The following TMEM63C variants were observed in gnomAD, a reference collection of about 807,000 sequenced individuals.
The protein encoded by TMEM63C is osmosensitive cation channel TMEM63C.
A neutral mutation model predicts 99.2 loss-of-function variants in TMEM63C; 32 were observed. The observed-to-expected ratio is 0.32, with a 90% CI of 0.24 to 0.43. The LOEUF is 0.43. Among genes scored for constraint, TMEM63C ranks in the 20% least tolerant of loss-of-function variants. The pLI is 1.00. For synonymous variants in TMEM63C, 376 were observed against 397.9 expected (o/e 0.94, Z 0.66); for missense variants, 826 against 1,053.0 (o/e 0.78, Z 2.98).
intron 14 of TMEM63C, 144 bp from the exon 15 acceptor site, chr14:77,242,759 A>C: frequency 1.0e-6 from 1 of 979,864 alleles, no homozygotes; most frequent in South Asian, 1.5e-5. Context: ...GGGACGGTCC[A>C]GGGTCCTGTT....
rs545114107 is a variant in TMEM63C, at chr14:77,250,330, C to T, written c.2038+872C>T. 6.6e-5 allele frequency among the ~76,000 whole-genome samples: 10 copies of T among 152,284 alleles called. No homozygotes were observed. The South Asian group carries it at 2.1e-3, about 32-fold the overall frequency. On this transcript the variant is annotated intron_variant, in intron 21 of 23. Transcript: ENST00000298351. ...CTCTCAGCTTTCTCCCCGTTGGAGG[C>T]ACCTTAACCCCCAGCAACCCCCAAC...
At chr14:77,210,675 G>A (rs1464705423) in intron 1 of TMEM63C, among the ~76,000 whole-genome samples, 1 of 152,182 alleles carries the variant, frequency 6.6e-6, no homozygotes, top group Non-Finnish European at 1.5e-5. Flanking sequence ...GGCAGGGCAG[G>A]AGACCTGGAG....
At chr14:77,243,114 G>A in intron 15 of TMEM63C, 58 bp downstream of exon 15, 2 of 1,591,066 alleles carry the variant, frequency 1.3e-6, no homozygotes, top group Non-Finnish European at 1.7e-6. Context: ...GAATAATTCA[G>A]GCGAGGATGG....
At position 77,253,388 on chromosome 14, in the gene TMEM63C, G is replaced by A; in HGVS notation, c.2220+12G>A. The A allele has an allele frequency of 2.5e-6, 4 of 1,605,712 alleles. No homozygotes were observed. The highest frequency in any genetic ancestry group is 3.4e-6 in the Non-Finnish European group (4 of 1,176,392). On this transcript the variant is annotated intron_variant, in intron 23 of 23. Transcript: ENST00000298351. ...CGCCCACCTCCCTCGTGAGTCCTGA[G>A]TCCCAGGGACAGGTTGGGAGGGTGG...
chr14:77,239,538 G>C (rs747469738), intron 11 of TMEM63C, 46 bp downstream of exon 11: 3 of 1,612,228 alleles, frequency 1.9e-6, no homozygotes, highest in Admixed American at 3.3e-5. Flanking sequence ...GGGGGTAAAA[G>C]GGGAGGATGG....
intron 1 of TMEM63C, among the ~76,000 whole-genome samples, chr14:77,207,247 A>G (rs556076141): frequency 2.6e-5 from 4 of 152,342 alleles, no homozygotes; most frequent in African/African-American, 9.6e-5. Context: ...GGAAGCCAAC[A>G]CACTCAGCTT....
At chr14:77,225,347 G>C in intron 5 of TMEM63C, 77 bp from the exon 6 acceptor site, 1 of 1,466,772 alleles carries the variant, frequency 6.8e-7, no homozygotes, top group Non-Finnish European at 9.3e-7. Context: ...CAGATGACCT[G>C]GCCGCCTGGG....
chr14:77,186,715 C>T (rs552503831), intron 1 of TMEM63C, among the ~76,000 whole-genome samples: 15 of 151,636 alleles, frequency 9.9e-5, no homozygotes, highest in Admixed American at 2.6e-4. Context: ...AATAAAAAAT[C>T]AAAAAGGCTT....
In TMEM63C at chr14:77,245,883, G is replaced by T; in HGVS notation, c.1449-57G>T. 4.7e-6 allele frequency: 6 copies of T among 1,265,818 alleles called. No individual in the cohort carries two copies. The South Asian group carries it at 5.9e-5, about 13-fold the overall frequency. 78.4% of individuals were successfully genotyped at this position (1,265,818 alleles called of 1,614,324 possible). A position where few individuals can be genotyped will look rare whatever the true frequency, so the allele number is the denominator to read the frequency against. On this transcript the variant is annotated intron_variant, in intron 16 of 23. Transcript: ENST00000298351. The stretch of plus-strand genomic sequence containing the variant: ...CTCTTCCTCTCTATTACATAGTTAG[G>T]CCTTTGGTTCTTATTAGGCCACGTC...
intron 1 of TMEM63C, among the ~76,000 whole-genome samples, chr14:77,192,330 A>C (rs1888125609): frequency 6.6e-6 from 1 of 152,226 alleles, no homozygotes; most frequent in Admixed American, 6.5e-5. Context: ...CCTGAGGCAC[A>C]GAAAGGGTAG....
chr14:77,202,026 A>G (rs1212122203), intron 1 of TMEM63C, among the ~76,000 whole-genome samples: 1 of 152,218 alleles, frequency 6.6e-6, no homozygotes. Flanking sequence ...GCCATTGCCC[A>G]GCATCCCTTC....
intron 3 of TMEM63C, 45 bp downstream of exon 3, chr14:77,219,008 A>G (rs1184316229): frequency 2.0e-6 from 3 of 1,476,362 alleles, no homozygotes; most frequent in Non-Finnish European, 2.7e-6. Flanking sequence ...AGCCTCAGAC[A>G]GGGTCGAACT....
At chr14:77,252,559 A>T (rs1225008534) in intron 22 of TMEM63C, among the ~76,000 whole-genome samples, 1 of 152,202 alleles carries the variant, frequency 6.6e-6, no homozygotes, top group Admixed American at 6.5e-5. Flanking sequence ...TTCATTTTTC[A>T]TGGTTACGTA....
intron 2 of TMEM63C, among the ~76,000 whole-genome samples, chr14:77,216,025 G>A (rs906164936): frequency 6.6e-6 from 1 of 152,226 alleles, no homozygotes; most frequent in Middle Eastern, 3.4e-3. Context: ...ATTTGGCTGG[G>A]CGCAGTGGCT....
chr14:77,240,931 C>CTTTT lies in TMEM63C; in HGVS notation c.1064+335_1064+338dup, dbSNP rs575279817. On this transcript the variant is annotated intron_variant, in intron 13 of 23. Coordinates refer to ENST00000298351, the MANE Select transcript of TMEM63C (RefSeq NM_020431.4). The stretch of plus-strand genomic sequence containing the variant: ...AGAATGACATCCCTTTTCCCTTTTT[C>CTTTT]TTTTTTTTTTTTTTTCTTTTTTTTT... Among the ~76,000 whole-genome samples the CTTTT allele has an allele frequency of 7.0e-5, 9 of 128,498 alleles. 1 individual carries two copies. The highest frequency in any genetic ancestry group is 9.6e-5 in the Non-Finnish European group (6 of 62,292). 84.3% of individuals were successfully genotyped at this position (128,498 alleles called of 152,430 possible). A position where few individuals can be genotyped will look rare whatever the true frequency, so the allele number is the denominator to read the frequency against.
chr14:77,250,685 G>A (rs1044784650), intron 21 of TMEM63C, among the ~76,000 whole-genome samples: 3 of 152,004 alleles, frequency 2.0e-5, no homozygotes, highest in Non-Finnish European at 4.4e-5. Context: ...GGCAATCCGA[G>A]GCAGTGTTTT....
chr14:77,195,019 G>A (rs1289697188), intron 1 of TMEM63C, among the ~76,000 whole-genome samples: 2 of 152,006 alleles, frequency 1.3e-5, no homozygotes, highest in African/African-American at 2.4e-5. Flanking sequence ...TCTAGGAGGC[G>A]GAGGCGAGAG....
chr14:77,192,354 G>C (rs1454599059), intron 1 of TMEM63C, among the ~76,000 whole-genome samples: 1 of 152,150 alleles, frequency 6.6e-6, no homozygotes, highest in Non-Finnish European at 1.5e-5. Flanking sequence ...ACTTATCCTA[G>C]GTCCAGTAGA....
intron 1 of TMEM63C, among the ~76,000 whole-genome samples, chr14:77,190,030 A>T (rs1888076529): frequency 6.6e-6 from 1 of 152,148 alleles, no homozygotes; most frequent in Non-Finnish European, 1.5e-5. Flanking sequence ...ATAATCTAAT[A>T]GGGGTTAGGA....
Sources: gnomAD v4.1 joint callset for allele counts (sites outside exome capture counted in the v4.1 genomes callset) on GRCh38, gnomAD v4.1.1 for gene constraint, MANE v1.5 for transcripts, NCBI Gene and HGNC (gene_info 2026-07-23, HGNC 2026-07-21) for gene names.